Variants in PNPT1 observed in about 807,000 individuals in gnomAD.
The protein encoded by PNPT1 is polyribonucleotide nucleotidyltransferase 1, mitochondrial.
A neutral mutation model predicts 119.5 loss-of-function variants in PNPT1; 53 were observed. The ratio of observed to expected loss-of-function variants is 0.44; its 90% CI spans 0.36 to 0.56. The LOEUF (loss-of-function observed/expected upper bound fraction) is 0.56, where lower values mean the gene tolerates loss of function less well. Among genes scored for constraint, PNPT1 ranks in the 20% least tolerant of loss-of-function variants. The pLI, the probability that PNPT1 is intolerant of heterozygous loss-of-function variation, is 0.00. For missense variants in PNPT1, 948 were observed against 938.5 expected (o/e 1.01, Z -0.13); for synonymous variants, 357 against 322.1 (o/e 1.11, Z -1.16).
rs1442696297 is a variant in PNPT1, at chr2:55,686,446, TTAAACA to T, written c.223-8_223-3del. On this transcript the variant is annotated splice_polypyrimidine_tract_variant and splice_region_variant and intron_variant, in intron 2 of 27. Coordinates refer to ENST00000447944, the MANE Select transcript of PNPT1 (RefSeq NM_033109.5). ...GACCATTACTGCAGTGTCACCTGAC[TTAAACA>T]TAAAGAACAACGCTGGTAAGTTCCT... The T allele has an allele frequency of 1.9e-6, 3 of 1,612,510 alleles. No homozygotes were observed. Among genetic ancestry groups the T allele is most frequent in the East Asian group, 2.2e-5 (1 of 44,830 alleles).
intron 26 of PNPT1, 127 bp downstream of exon 26, chr2:55,640,500 C>T (rs1695803784): frequency 1.2e-6 from 1 of 832,848 alleles, no homozygotes; most frequent in Non-Finnish European, 1.9e-6. Flanking sequence ...AGCAGCATCT[C>T]TGCCACTTGT....
intron 4 of PNPT1, among the ~76,000 whole-genome samples, chr2:55,684,327 T>C (rs1199176481): frequency 6.6e-6 from 1 of 152,090 alleles, no homozygotes; most frequent in Non-Finnish European, 1.5e-5. Flanking sequence ...CCATCTTGAC[T>C]AAAAATACAA....
chr2:55,652,632 A>G (rs931159192), intron 18 of PNPT1, among the ~76,000 whole-genome samples: 8 of 152,172 alleles, frequency 5.3e-5, no homozygotes, highest in Admixed American at 5.2e-4. Context: ...TCCCTTAACC[A>G]GTATGAATGG....
intron 13 of PNPT1, among the ~76,000 whole-genome samples, chr2:55,665,127 A>G (rs1696694392): frequency 6.6e-6 from 1 of 152,194 alleles, no homozygotes; most frequent in African/African-American, 2.4e-5. Context: ...GTAACAATGA[A>G]AAAGGATATA....
In PNPT1 at chr2:55,635,218, C is replaced by T. The variant is rs1366032121; in HGVS notation, c.*1019G>A. The T allele has an allele frequency of 9.2e-5, 14 of 152,110 alleles. No homozygotes were observed. Among genetic ancestry groups the T allele is most frequent in the Non-Finnish European group, 1.8e-4 (12 of 68,034 alleles). The allele number at this position is 152,110 out of a possible 1,614,324, so 9.4% of individuals were successfully genotyped here. On this transcript the variant is annotated 3_prime_UTR_variant, in exon 28 of 28. Coordinates refer to ENST00000447944, the MANE Select transcript of PNPT1 (RefSeq NM_033109.5). ...ACATCTATTTCAAACATCTATTAAC[C>T]GAAAGTCATGATCCTTCAGCTCTTA... is the stretch of plus-strand genomic sequence containing the variant.
In PNPT1 at chr2:55,672,898, A is replaced by G. The variant is rs150220872; in HGVS notation, c.861T>C (p.Thr287=). ...FTPSPEIVKY[T]HKLAMERLYA... The stretch of plus-strand genomic sequence containing the variant: ...ATTTGCACAGATGTTCTTACTTATG[A>G]GTATATTTCACAATCTCTGGCGAAG... The change falls in exon 9 of 28, where the codon ACT becomes ACC. Residue 287 remains threonine (T), a synonymous_variant. Transcript: ENST00000447944. 2.5e-6 allele frequency: 4 copies of G among 1,592,006 alleles called. No homozygotes were observed. The highest frequency in any genetic ancestry group is 2.7e-5 in the African/African-American group (2 of 73,374).
chr2:55,647,488 T>G, intron 18 of PNPT1, 35 bp from the exon 19 acceptor site: 1 of 1,491,370 alleles, frequency 6.7e-7, no homozygotes, highest in African/African-American at 1.4e-5. Flanking sequence ...GTGGGTAATG[T>G]GTACATGAGC....
intron 22 of PNPT1, 77 bp from the exon 23 acceptor site, chr2:55,644,797 ATTTT>A (rs71393504): frequency 2.3e-5 from 18 of 778,222 alleles, no homozygotes; most frequent in South Asian, 1.1e-4. Context: ...GTCACTTGAG[ATTTT>A]TTTTTTTTTT....
chr2:55,668,997 CA>C (rs1437090096), intron 11 of PNPT1, among the ~76,000 whole-genome samples: 2 of 152,192 alleles, frequency 1.3e-5, no homozygotes, highest in African/African-American at 4.8e-5. Flanking sequence ...GAAATCCCTA[CA>C]AACTGTTTTC....
intron 15 of PNPT1, 57 bp from the exon 16 acceptor site, chr2:55,656,428 G>C: frequency 7.0e-7 from 1 of 1,433,906 alleles, no homozygotes; most frequent in Non-Finnish European, 9.5e-7. Context: ...AGATGTCCAA[G>C]TTATATTACC....
At chr2:55,692,638 C>T (rs955098285) in intron 1 of PNPT1, among the ~76,000 whole-genome samples, 1 of 152,126 alleles carries the variant, frequency 6.6e-6, no homozygotes, top group East Asian at 1.9e-4. Flanking sequence ...GTTATCTAAC[C>T]TTTTTTGAGC....
intron 3 of PNPT1, 148 bp downstream of exon 3, chr2:55,686,221 CT>C (rs892080596): frequency 2.1e-5 from 14 of 662,350 alleles, no homozygotes; most frequent in Non-Finnish European, 3.0e-5. Context: ...AGTTTATACT[CT>C]TTTAATGAAT....
chr2:55,642,359 T>C (rs369949439), intron 25 of PNPT1, among the ~76,000 whole-genome samples: 53 of 151,370 alleles, frequency 3.5e-4, no homozygotes, highest in South Asian at 1.9e-3. Context: ...GTAATCCCAG[T>C]ACTTTGGGAG....
intron 23 of PNPT1, among the ~76,000 whole-genome samples, chr2:55,644,134 T>C (rs1485385713): frequency 6.6e-6 from 1 of 152,184 alleles, no homozygotes; most frequent in Non-Finnish European, 1.5e-5. Flanking sequence ...AGGGACAAAA[T>C]CACATCAGTT....
At chr2:55,680,950 G>T in intron 5 of PNPT1, 32 bp from the exon 6 acceptor site, 1 of 1,574,458 alleles carries the variant, frequency 6.4e-7, no homozygotes, top group South Asian at 1.1e-5. Context: ...GATTTGGAAG[G>T]GTTATCATTT....
At chr2:55,667,171 G>A in intron 12 of PNPT1, 78 bp from the exon 13 acceptor site, 1 of 1,058,936 alleles carries the variant, frequency 9.4e-7, no homozygotes, top group Non-Finnish European at 1.4e-6. Flanking sequence ...CTCCCAGGAA[G>A]TTCTCAACCT....
intron 23 of PNPT1, 51 bp from the exon 24 acceptor site, chr2:55,643,476 G>T (rs763435657): frequency 1.2e-5 from 18 of 1,499,048 alleles, no homozygotes; most frequent in Admixed American, 1.7e-5. Flanking sequence ...TGGGCATAGT[G>T]GGTCACATCT....
chr2:55,669,875 C>T (rs1696853362), intron 11 of PNPT1, among the ~76,000 whole-genome samples: 1 of 151,588 alleles, frequency 6.6e-6, no homozygotes, highest in Non-Finnish European at 1.5e-5. Context: ...TCTCATGCCT[C>T]AGCCTCCCAA....
chr2:55,691,791 G>C (rs555342622), intron 1 of PNPT1, among the ~76,000 whole-genome samples: 2 of 148,732 alleles, frequency 1.3e-5, no homozygotes, highest in Non-Finnish European at 3.0e-5. Context: ...CCTAGTCTAG[G>C]GGTGACCAAA....
Sources: allele counts gnomAD v4.1 joint callset (sites outside exome capture counted in the v4.1 genomes callset), GRCh38; gene constraint gnomAD v4.1.1; transcripts MANE v1.5; gene names NCBI Gene and HGNC (gene_info 2026-07-23, HGNC 2026-07-21).